FAM161A: variants seen among roughly 807,000 people sequenced by gnomAD.
The protein encoded by FAM161A is FAM161 centrosomal protein A, also known as protein FAM161A.
In FAM161A, 57 loss-of-function variants were observed where a neutral mutation model predicts 70.9. That is an observed-to-expected ratio of 0.80 (90% CI 0.65 to 1.00). FAM161A has a LOEUF of 1.00. Ranked by LOEUF, FAM161A falls within the 50% of genes least tolerant of loss-of-function variation. FAM161A has a pLI of 0.00. For synonymous variants in FAM161A, 299 were observed against 295.7 expected (o/e 1.01, Z -0.12); for missense variants, 880 against 836.0 (o/e 1.05, Z -0.65).
chr2:61,818,578 T>C, the FAM161A span, among the ~76,000 whole-genome samples: 1 of 152,190 alleles, frequency 6.6e-6, no homozygotes, highest in South Asian at 2.1e-4. Context: ...AATTTGAGCA[T>C]AATTTAAAAA....
intron 2 of FAM161A, among the ~76,000 whole-genome samples, chr2:61,841,262 T>C (rs1673010429): frequency 6.6e-6 from 1 of 152,202 alleles, no homozygotes; most frequent in African/African-American, 2.4e-5. Context: ...CCTTCGAGAC[T>C]GGCGCCTATC....
chr2:61,810,138 A>C, the FAM161A span, among the ~76,000 whole-genome samples: 2 of 152,142 alleles, frequency 1.3e-5, no homozygotes, highest in Admixed American at 1.3e-4. Context: ...ATTGTAAACC[A>C]CTATGTTTTG....
At chr2:61,842,428 C>A in intron 1 of FAM161A, 68 bp from the exon 2 acceptor site, 1 of 938,804 alleles carries the variant, frequency 1.1e-6, no homozygotes. Context: ...GACACTGATC[C>A]AAAATGCTGC....
chr2:61,840,523 G>C lies in FAM161A; in HGVS notation c.481C>G (p.Pro161Ala). 3.7e-6 allele frequency: 6 copies of C among 1,613,828 alleles called. No individual in the cohort carries two copies. The highest frequency in any genetic ancestry group is 5.1e-6 in the Non-Finnish European group (6 of 1,179,786). Residue 161 changes from proline to alanine, a missense_variant, in exon 3 of 7, where the codon CCT becomes GCT. Coordinates refer to ENST00000404929, the MANE Select transcript of FAM161A (RefSeq NM_001201543.2). ...AAGGAGGAAGACTGGCCTAAATCAG[G>C]CTCTGAAAATGATGTCATTAATGAG... is the stretch of plus-strand genomic sequence containing the variant. ...PVSLMTSFSE[P>A]DLGQSSSLYV...
chr2:61,817,721 C>G, the FAM161A span, among the ~76,000 whole-genome samples: 1 of 152,022 alleles, frequency 6.6e-6, no homozygotes, highest in Non-Finnish European at 1.5e-5. Context: ...AATCCCAACA[C>G]TTTGGGAGGC....
At chr2:61,830,815 A>T (rs1306470843) in intron 5 of FAM161A, among the ~76,000 whole-genome samples, 3 of 151,842 alleles carry the variant, frequency 2.0e-5, no homozygotes, top group African/African-American at 7.3e-5. Flanking sequence ...TTTTTCTAAT[A>T]TAAAGATATT....
intron 5 of FAM161A, 55 bp from the exon 6 acceptor site, chr2:61,827,313 A>G: frequency 6.3e-7 from 1 of 1,585,950 alleles, no homozygotes; most frequent in Non-Finnish European, 8.6e-7. Flanking sequence ...AATTTTCATC[A>G]AAAATGTATA....
At chr2:61,828,215 A>G (rs899731302) in intron 5 of FAM161A, among the ~76,000 whole-genome samples, 4 of 151,652 alleles carry the variant, frequency 2.6e-5, no homozygotes, top group African/African-American at 7.3e-5. Flanking sequence ...GCCACATTAG[A>G]TTGATCTATA....
Position 61,854,020 on chromosome 2 carries a change from C to T in FAM161A, c.22G>A (p.Ala8Thr), listed in dbSNP as rs930663138. The T allele has an allele frequency of 3.1e-6, 5 of 1,611,400 alleles. No homozygotes were observed. The Admixed American group carries it at 6.7e-5, about 22-fold the overall frequency. The stretch of plus-strand genomic sequence containing the variant: ...TGGAGACTGGAGGCCACCAGCTTCG[C>T]CACTCGGTGGGAGGTGGCCATCGCC... MATSHRV[A>T]KLVASSLQTP... The change falls in exon 1 of 7, where the codon GCG (alanine) becomes ACG (threonine). Residue 8 changes from alanine to threonine, a missense_variant. Physicochemically the swap from Ala to Thr is moderately conservative, Grantham distance 58. Coordinates refer to ENST00000404929, the MANE Select transcript of FAM161A (RefSeq NM_001201543.2).
downstream of FAM161A, among the ~76,000 whole-genome samples, chr2:61,822,214 T>C (rs1672216566): frequency 6.6e-6 from 1 of 151,988 alleles, no homozygotes; most frequent in Non-Finnish European, 1.5e-5. Context: ...GAGGATCACT[T>C]GAGTCCAGGA....
rs1171046817 is a variant in FAM161A at position 61,826,128 on chromosome 2, A to AT, written c.*326dup. The AT allele has an allele frequency of 4.5e-5, 22 of 491,038 alleles. No individual in the cohort carries two copies. The highest frequency in any genetic ancestry group is 6.7e-5 in the Non-Finnish European group (17 of 252,382). 30.4% of individuals were successfully genotyped at this position (491,038 alleles called of 1,614,324 possible). On this transcript the variant is annotated 3_prime_UTR_variant, in exon 7 of 7. Coordinates refer to ENST00000404929, the MANE Select transcript of FAM161A (RefSeq NM_001201543.2). ...TTCTCTCTCCTTTCAATACTAAGCC[A>AT]TTTTTTCCAGTAAAATTAATGAAAT...
Position 61,842,168 on chromosome 2 carries a change from C to G in FAM161A, c.376G>C (p.Val126Leu). ...MYQDKLHLKEVQPVVIREDSL... is the reference protein window; with the variant it reads ...MYQDKLHLKELQPVVIREDSL... ...TCTTCTCTGATGACCACTGGCTGAA[C>G]TTCCTTTAAATGTAATTTATCCTGG... The change falls in exon 2 of 7, where the codon GTT becomes CTT. Residue 126 changes from valine (V) to leucine (L), a missense_variant. By Grantham distance (32) the Val-to-Leu change is conservative. Coordinates refer to ENST00000404929, the MANE Select transcript of FAM161A (RefSeq NM_001201543.2). 6.2e-7 allele frequency: 1 copy of G among 1,613,756 alleles called. No homozygotes were observed. The highest frequency in any genetic ancestry group is 1.3e-5 in the African/African-American group (1 of 75,060).
At position 61,839,857 on chromosome 2, in the gene FAM161A, T is replaced by A; in HGVS notation, c.1147A>T (p.Arg383Trp). Reference sequence around the variant, plus strand: ...TGCTCCTGGGCTCTCAGCTGTGTCCTAAGGTTTCGATAGAGCTCTTCTTCT... The same window carrying A: ...TGCTCCTGGGCTCTCAGCTGTGTCCAAAGGTTTCGATAGAGCTCTTCTTCT... The part of the protein sequence containing the change: ...LKEEELYRNL[R>W]TQLRAQEHLQ... The change falls in exon 3 of 7, where the codon AGG becomes TGG. Residue 383 changes from arginine (R) to tryptophan (W), a missense_variant. Coordinates refer to ENST00000404929, the MANE Select transcript of FAM161A (RefSeq NM_001201543.2). 1 of 1,614,228 alleles carries A rather than the reference T, an allele frequency of 6.2e-7. No individual in the cohort carries two copies.
At chr2:61,816,845 C>G in the FAM161A span, among the ~76,000 whole-genome samples, 8 of 152,266 alleles carry the variant, frequency 5.3e-5, no homozygotes, top group African/African-American at 1.9e-4. Flanking sequence ...TGCAGTCACT[C>G]TTCACTCTAG....
chr2:61,814,502 G>T, the FAM161A span, among the ~76,000 whole-genome samples: 7 of 151,638 alleles, frequency 4.6e-5, no homozygotes, highest in Non-Finnish European at 1.0e-4. Flanking sequence ...TCCTCTGCTC[G>T]AGAGGAGTTT....
intron 1 of FAM161A, among the ~76,000 whole-genome samples, chr2:61,850,060 A>G (rs1253434510): frequency 6.6e-6 from 1 of 152,128 alleles, no homozygotes; most frequent in East Asian, 1.9e-4. Flanking sequence ...TACCCATGTA[A>G]CAAACCTGCA....
intron 1 of FAM161A, among the ~76,000 whole-genome samples, chr2:61,850,409 G>C (rs1198917350): frequency 6.6e-6 from 1 of 151,548 alleles, no homozygotes; most frequent in Non-Finnish European, 1.5e-5. Flanking sequence ...AAAAATATAT[G>C]TGTGTGTGCG....
At chr2:61,817,212 G>A in the FAM161A span, among the ~76,000 whole-genome samples, 1 of 152,172 alleles carries the variant, frequency 6.6e-6, no homozygotes. Flanking sequence ...TGTGTGCCCT[G>A]TGAGTCGCTT....
At chr2:61,807,149 G>A in the FAM161A span, among the ~76,000 whole-genome samples, 1 of 152,064 alleles carries the variant, frequency 6.6e-6, no homozygotes, top group African/African-American at 2.4e-5. Flanking sequence ...TCTTTCAGGA[G>A]GGCTTGCTAA....
Sources: allele counts gnomAD v4.1 joint callset (sites outside exome capture counted in the v4.1 genomes callset), GRCh38; gene constraint gnomAD v4.1.1; transcripts MANE v1.5; gene names NCBI Gene and HGNC (gene_info 2026-07-23, HGNC 2026-07-21).